Variants in ZMYM5 observed in about 807,000 individuals in gnomAD.
ZMYM5 encodes the protein zinc finger MYM-type protein 5.
In ZMYM5, 41 loss-of-function variants were observed where a neutral mutation model predicts 61.8. The ratio of observed to expected loss-of-function variants is 0.66; its 90% CI spans 0.52 to 0.86. The LOEUF is 0.86. ZMYM5 is among the 40% of genes least tolerant of loss of function. ZMYM5 has a pLI of 0.00. For missense variants in ZMYM5, 706 were observed against 786.7 expected (o/e 0.90, Z 1.23); for synonymous variants, 257 against 276.4 (o/e 0.93, Z 0.70).
Position 19,838,694 on chromosome 13 carries a change from G to A in ZMYM5, c.872+6C>T. ...ATGTGGAGAAATGTTGAAAGGTACT[G>A]CTTACTTTTTACATATTATGCTTCG... On this transcript the variant is annotated splice_donor_region_variant and intron_variant, in intron 5 of 7. Coordinates refer to ENST00000337963, the MANE Select transcript of ZMYM5 (RefSeq NM_001142684.2). The A allele has an allele frequency of 6.2e-7, 1 of 1,613,604 alleles. No homozygotes were observed. The highest frequency in any genetic ancestry group is 2.2e-5 in the East Asian group (1 of 44,868).
intron 4 of ZMYM5, among the ~76,000 whole-genome samples, chr13:19,849,201 T>C (rs1029773827): frequency 2.0e-5 from 3 of 152,150 alleles, no homozygotes; most frequent in African/African-American, 4.8e-5. Context: ...TAAAGCGCAA[T>C]GTGACCCCAA....
intron 4 of ZMYM5, among the ~76,000 whole-genome samples, chr13:19,840,033 T>G (rs1203928462): frequency 3.3e-5 from 5 of 152,232 alleles, no homozygotes; most frequent in African/African-American, 1.2e-4. Context: ...TCTAAATTAG[T>G]AGGTCTGAGA....
intron 4 of ZMYM5, among the ~76,000 whole-genome samples, chr13:19,848,286 AT>A (rs1953156850): frequency 6.6e-6 from 1 of 151,726 alleles, no homozygotes; most frequent in Non-Finnish European, 1.5e-5. Flanking sequence ...CACCCAGGTA[AT>A]TATTATTTTT....
intron 1 of ZMYM5, among the ~76,000 whole-genome samples, chr13:19,862,911 G>A (rs1953824785): frequency 6.6e-6 from 1 of 152,230 alleles, no homozygotes; most frequent in African/African-American, 2.4e-5. Context: ...GTCGACGACA[G>A]GGCCCCAGAT....
At chr13:19,828,409 G>A (rs1891026969) in intron 7 of ZMYM5, among the ~76,000 whole-genome samples, 1 of 152,108 alleles carries the variant, frequency 6.6e-6, no homozygotes, top group African/African-American at 2.4e-5. Context: ...GGGAGGTGGA[G>A]GTTGCAGTGA....
chr13:19,831,532 C>A (rs1435918442), intron 7 of ZMYM5, among the ~76,000 whole-genome samples: 1 of 151,872 alleles, frequency 6.6e-6, no homozygotes, highest in African/African-American at 2.4e-5. Flanking sequence ...CGTGGTAGCT[C>A]ACACCTGTAT....
rs753768724 is a variant in ZMYM5, at chr13:19,835,708, T to C, written c.1039-19A>G. The C allele has an allele frequency of 2.2e-6, 3 of 1,363,308 alleles. No individual in the cohort carries two copies. The highest frequency in any genetic ancestry group is 2.9e-6 in the Non-Finnish European group (3 of 1,018,616). The allele number at this position is 1,363,308 out of a possible 1,614,324, so 84.5% of individuals were successfully genotyped here. A position where few individuals can be genotyped will look rare whatever the true frequency, so the allele number is the denominator to read the frequency against. On this transcript the variant is annotated intron_variant, in intron 6 of 7. Transcript: ENST00000337963. The stretch of plus-strand genomic sequence containing the variant: ...GGCGAATCTAAAAGAAAAACCAGAA[T>C]TCATTAACTAAGATATATGAACCAG...
At chr13:19,826,393 A>T (rs906452969) in intron 7 of ZMYM5, among the ~76,000 whole-genome samples, 12 of 151,932 alleles carry the variant, frequency 7.9e-5, no homozygotes, top group Non-Finnish European at 1.8e-4. Context: ...AGTTTGTCAA[A>T]ATTTAAACAG....
intron 4 of ZMYM5, among the ~76,000 whole-genome samples, chr13:19,843,068 G>A (rs1162928517): frequency 1.3e-5 from 2 of 150,746 alleles, no homozygotes; most frequent in African/African-American, 4.9e-5. Flanking sequence ...CTCCTGCATC[G>A]GCCTCCCAAA....
At chr13:19,856,706 A>C (rs1407249099) in intron 2 of ZMYM5, among the ~76,000 whole-genome samples, 1 of 152,056 alleles carries the variant, frequency 6.6e-6, no homozygotes, top group Non-Finnish European at 1.5e-5. Context: ...GCCACTCAGG[A>C]GACTGAGGCA....
At position 19,857,289 on chromosome 13, in the gene ZMYM5, T is replaced by C. The variant is rs371397404; in HGVS notation, c.-10-5099A>G. 3.3e-5 allele frequency among the ~76,000 whole-genome samples: 5 copies of C among 152,336 alleles called. No homozygotes were observed. The East Asian group carries it at 7.7e-4, about 23-fold the overall frequency. ...TTATAACACTAGCAAAATGCTTACA[T>C]GTAAACTATCTCTAGAGAATGGGAA... On this transcript the variant is annotated intron_variant, in intron 2 of 7. Coordinates refer to ENST00000337963, the MANE Select transcript of ZMYM5 (RefSeq NM_001142684.2).
At chr13:19,853,949 A>T (rs533796395) in intron 2 of ZMYM5, among the ~76,000 whole-genome samples, 4 of 152,228 alleles carry the variant, frequency 2.6e-5, no homozygotes, top group African/African-American at 9.6e-5. Flanking sequence ...GTGTTGAATG[A>T]TTAAGAAAAC....
rs780072268 is a variant in ZMYM5, at chr13:19,835,610, T to A, written c.1118A>T (p.Asn373Ile). The A allele has an allele frequency of 7.3e-7, 1 of 1,367,694 alleles. No individual in the cohort carries two copies. Among genetic ancestry groups the A allele is most frequent in the Middle Eastern group, 2.1e-4 (1 of 4,768 alleles). 84.7% of individuals were successfully genotyped at this position (1,367,694 alleles called of 1,614,324 possible). ...NHCFNKYRLA[N>I]GLIMNCCEHC... ...TTCACAGCAGTTCATTATTAGACCA[T>A]TGGCCAATCTGTACTTATTAAAGCA... Residue 373 changes from asparagine (N) to isoleucine (I), a missense_variant, in exon 7 of 8, where the codon AAT becomes ATT. By Grantham distance (149) the Asn-to-Ile change is moderately radical. Coordinates refer to ENST00000337963, the MANE Select transcript of ZMYM5 (RefSeq NM_001142684.2).
At chr13:19,852,910 C>T (rs1188985091) in intron 2 of ZMYM5, among the ~76,000 whole-genome samples, 1 of 152,126 alleles carries the variant, frequency 6.6e-6, no homozygotes, top group African/African-American at 2.4e-5. Context: ...TGCAGTTGTG[C>T]CATCCTGGCT....
intron 7 of ZMYM5, among the ~76,000 whole-genome samples, chr13:19,832,437 T>C (rs1891276541): frequency 6.6e-6 from 1 of 151,878 alleles, no homozygotes; most frequent in Admixed American, 6.6e-5. Context: ...AGTGATTCTC[T>C]TTCCTCAGCC....
At chr13:19,837,507 A>G (rs1355193503) in intron 6 of ZMYM5, 149 bp downstream of exon 6, 1 of 1,594,628 alleles carries the variant, frequency 6.3e-7, no homozygotes, top group East Asian at 2.2e-5. Context: ...CCCATAAGAT[A>G]GTTCTAACAT....
intron 7 of ZMYM5, among the ~76,000 whole-genome samples, chr13:19,834,700 C>CTT (rs151078989): frequency 2.6e-5 from 4 of 151,694 alleles, no homozygotes; most frequent in African/African-American, 9.7e-5. Flanking sequence ...TAACCTTTTT[C>CTT]TTTTTTTTGA....
At chr13:19,829,161 T>G (rs762712274) in intron 7 of ZMYM5, among the ~76,000 whole-genome samples, 31 of 152,164 alleles carry the variant, frequency 2.0e-4, no homozygotes, top group Non-Finnish European at 3.5e-4. Context: ...CACCAACTAG[T>G]CATGCCAGGT....
At chr13:19,829,321 C>T (rs1891087079) in intron 7 of ZMYM5, among the ~76,000 whole-genome samples, 1 of 152,124 alleles carries the variant, frequency 6.6e-6, no homozygotes, top group South Asian at 2.1e-4. Context: ...TAGTCTCGCT[C>T]TGTCATTCAG....
Sources: gnomAD v4.1 joint callset for allele counts (sites outside exome capture counted in the v4.1 genomes callset) on GRCh38, gnomAD v4.1.1 for gene constraint, MANE v1.5 for transcripts, NCBI Gene and HGNC (gene_info 2026-07-23, HGNC 2026-07-21) for gene names.